Variants in BCL2L15 observed in about 807,000 individuals in gnomAD.
BCL2L15 encodes the protein bcl-2-like protein 15.
BCL2L15 carries 15 observed loss-of-function variants against 18.3 expected under a neutral mutation model. That is an observed-to-expected ratio of 0.82 (90% confidence interval 0.55 to 1.26). BCL2L15 has a LOEUF of 1.26. Among genes scored for constraint, BCL2L15 ranks in the 50% most tolerant of loss-of-function variants. The pLI is 0.00. For synonymous variants in BCL2L15, 58 were observed against 68.5 expected (o/e 0.85, Z 0.76); for missense variants, 180 against 201.7 (o/e 0.89, Z 0.65).
rs1666859271 is a variant in BCL2L15 at position 113,880,847 on chromosome 1, C to A, written c.*276G>T. 2 of 497,152 alleles carry A rather than the reference C, an allele frequency of 4.0e-6. No homozygotes were observed. The highest frequency in any genetic ancestry group is 2.4e-5 in the South Asian group (1 of 40,874). 30.8% of individuals were successfully genotyped at this position (497,152 alleles called of 1,614,324 possible). A position where few individuals can be genotyped will look rare whatever the true frequency, so the allele number is the denominator to read the frequency against. The stretch of plus-strand genomic sequence containing the variant: ...TTGTGTCTAGGGGTCTTTGCTTCAA[C>A]AGAACCTCATTAAAACTCATGTGAA... On this transcript the variant is annotated 3_prime_UTR_variant, in exon 4 of 4. Transcript: ENST00000393316.
At chr1:113,887,207 C>T in intron 1 of BCL2L15, 42 bp downstream of exon 1, 1 of 1,585,622 alleles carries the variant, frequency 6.3e-7, no homozygotes, top group Non-Finnish European at 8.7e-7. Context: ...TGAAAACATA[C>T]TCTTATTGAC....
rs1666783062 is a variant in BCL2L15, at chr1:113,878,541, G to A, written c.*2582C>T. 6.6e-6 allele frequency: 1 copy of A among 152,344 alleles called. No homozygotes were observed. The highest frequency in any genetic ancestry group is 2.1e-4 in the South Asian group (1 of 4,828). The allele number at this position is 152,344 out of a possible 1,614,324, so 9.4% of individuals were successfully genotyped here. ...TGGAACTGTTTTATGAGCAACATAG[G>A]ATAAAACTGGGAGCTGGAATTATTC... On this transcript the variant is annotated 3_prime_UTR_variant, in exon 4 of 4. Transcript: ENST00000393316.
Position 113,879,083 on chromosome 1 carries a change from T to C in BCL2L15, c.*2040A>G, listed in dbSNP as rs1666797258. On this transcript the variant is annotated 3_prime_UTR_variant, in exon 4 of 4. Transcript: ENST00000393316. ...CCAGGCTGGTCTCAAACTCCTAACCTCAGGTGATCCACCCGCCTTGGCCTC... is the reference window on the plus strand; with the variant it reads ...CCAGGCTGGTCTCAAACTCCTAACCCCAGGTGATCCACCCGCCTTGGCCTC... The C allele has an allele frequency of 1.3e-5, 2 of 152,150 alleles. No homozygotes were observed. The allele number at this position is 152,150 out of a possible 1,614,324, so 9.4% of individuals were successfully genotyped here.
intron 2 of BCL2L15, among the ~76,000 whole-genome samples, chr1:113,882,641 T>A (rs1398283846): frequency 2.6e-5 from 4 of 151,112 alleles, no homozygotes; most frequent in African/African-American, 4.9e-5. Context: ...CGAGACTCCA[T>A]CTCAAATAAA....
chr1:113,886,900 T>C (rs1416723951), intron 1 of BCL2L15, among the ~76,000 whole-genome samples: 1 of 142,798 alleles, frequency 7.0e-6, no homozygotes. Context: ...ATAAATAAAA[T>C]ATACTGTTTT....
intron 1 of BCL2L15, 34 bp from the exon 2 acceptor site, chr1:113,886,692 T>C (rs746058780): frequency 6.4e-7 from 1 of 1,558,080 alleles, no homozygotes; most frequent in Admixed American, 2.2e-5. Flanking sequence ...TTACAATGCT[T>C]GAAGCAATGG....
At chr1:113,886,731 A>G in intron 1 of BCL2L15, 73 bp from the exon 2 acceptor site, 1 of 1,450,740 alleles carries the variant, frequency 6.9e-7, no homozygotes, top group South Asian at 1.4e-5. Flanking sequence ...GCAATGAGAA[A>G]AATTTGTCTT....
Position 113,887,493 on chromosome 1 carries a change from T to C in BCL2L15, c.-118A>G, listed in dbSNP as rs922290801. On this transcript the variant is annotated 5_prime_UTR_variant, in exon 1 of 4. An upstream start codon of the reference 5' UTR is lost. Transcript: ENST00000393316. ...TTCTACCTCTTGTAGTTTCCTGACA[T>C]GTAATCCTGGAACTTTTCCCACTAG... The C allele has an allele frequency of 2.8e-6, 4 of 1,413,140 alleles. No individual in the cohort carries two copies. Among genetic ancestry groups the C allele is most frequent in the Non-Finnish European group, 9.7e-7 (1 of 1,029,342 alleles). 87.5% of individuals were successfully genotyped at this position (1,413,140 alleles called of 1,614,324 possible).
At chr1:113,883,087 C>T (rs187434238) in intron 2 of BCL2L15, among the ~76,000 whole-genome samples, 5 of 151,880 alleles carry the variant, frequency 3.3e-5, no homozygotes, top group African/African-American at 9.7e-5. Context: ...TTTAGGGGGG[C>T]CAAGGGTGGT....
rs149908888 is a variant in BCL2L15 at position 113,877,322 on chromosome 1, GT to G, written c.*3800del. Among the ~76,000 whole-genome samples, 33,145 of 142,748 alleles carry G rather than the reference GT, an allele frequency of 0.23. 4,455 individuals carry two copies. Among genetic ancestry groups the G allele is most frequent in the East Asian group, 0.62 (3,034 of 4,930 alleles). The allele number at this position is 142,748 out of a possible 152,430, so 93.6% of individuals were successfully genotyped here. A position where few individuals can be genotyped will look rare whatever the true frequency, so the allele number is the denominator to read the frequency against. ...GATGAACAGTAGGGAGCAGCTGAAG[GT>G]TTTTTTTTTTTTTTTAAAAAAAACA... On this transcript the variant is annotated 3_prime_UTR_variant, in exon 4 of 4. Coordinates refer to ENST00000393316, the MANE Select transcript of BCL2L15 (RefSeq NM_001010922.3).
At position 113,880,173 on chromosome 1, in the gene BCL2L15, G is replaced by GT. The variant is rs1666827936; in HGVS notation, c.*949dup. On this transcript the variant is annotated 3_prime_UTR_variant, in exon 4 of 4. Coordinates refer to ENST00000393316, the MANE Select transcript of BCL2L15 (RefSeq NM_001010922.3). ...TGCATCCTGTGGCAGTAAAAATGGA[G>GT]TAACTTTTATTTTCTTTGACCTTCC... The GT allele has an allele frequency of 6.6e-6, 1 of 152,318 alleles. No homozygotes were observed. The highest frequency in any genetic ancestry group is 1.9e-4 in the East Asian group (1 of 5,340). 9.4% of individuals were successfully genotyped at this position (152,318 alleles called of 1,614,324 possible).
intron 2 of BCL2L15, 136 bp downstream of exon 2, chr1:113,886,401 C>G (rs999094259): frequency 9.6e-7 from 1 of 1,044,126 alleles, no homozygotes; most frequent in African/African-American, 1.6e-5. Flanking sequence ...AGAATTCTTG[C>G]TATACTTCCT....
At position 113,882,044 on chromosome 1, in the gene BCL2L15, G is replaced by A. The variant is rs1427263516; in HGVS notation, c.250-47C>T. ...ATCAACAGAGTATCACTCAAAAAGT[G>A]CAGGAGGCTGCAGGTGCAGGAATCC... On this transcript the variant is annotated intron_variant, in intron 2 of 3. Transcript: ENST00000393316. The A allele has an allele frequency of 3.4e-6, 5 of 1,466,898 alleles. No homozygotes were observed. The South Asian group carries it at 4.8e-5, about 14-fold the overall frequency. The allele number at this position is 1,466,898 out of a possible 1,614,324, so 90.9% of individuals were successfully genotyped here.
intron 2 of BCL2L15, among the ~76,000 whole-genome samples, chr1:113,883,647 G>A (rs1332310784): frequency 6.6e-6 from 1 of 151,950 alleles, no homozygotes; most frequent in Non-Finnish European, 1.5e-5. Context: ...AGCCAGGCGT[G>A]GCAGTGTGTG....
Position 113,886,499 on chromosome 1 carries a change from A to G in BCL2L15, c.249+38T>C, listed in dbSNP as rs1407942023. 3 of 1,584,624 alleles carry G rather than the reference A, an allele frequency of 1.9e-6. No individual in the cohort carries two copies. The East Asian group carries it at 6.7e-5, about 35-fold the overall frequency. Reference sequence around the variant, plus strand: ...AAGAAAAGGAAGTTTGAAATAGAAAAAAAAGCAGCAAACAATAGCATGAAG... The same window carrying G: ...AAGAAAAGGAAGTTTGAAATAGAAAGAAAAGCAGCAAACAATAGCATGAAG... On this transcript the variant is annotated intron_variant, in intron 2 of 3. Transcript: ENST00000393316.
rs925347503 is a variant in BCL2L15, at chr1:113,878,552, G to C, written c.*2571C>G. The C allele has an allele frequency of 6.6e-6, 1 of 152,332 alleles. No homozygotes were observed. Among genetic ancestry groups the C allele is most frequent in the Admixed American group, 6.5e-5 (1 of 15,280 alleles). 9.4% of individuals were successfully genotyped at this position (152,332 alleles called of 1,614,324 possible). A position where few individuals can be genotyped will look rare whatever the true frequency, so the allele number is the denominator to read the frequency against. On this transcript the variant is annotated 3_prime_UTR_variant, in exon 4 of 4. Coordinates refer to ENST00000393316, the MANE Select transcript of BCL2L15 (RefSeq NM_001010922.3). ...TATGAGCAACATAGGATAAAACTGG[G>C]AGCTGGAATTATTCAATTTAGATTG...
At position 113,886,799 on chromosome 1, in the gene BCL2L15, C is replaced by T. The variant is rs1667050216; in HGVS notation, c.128-141G>A. On this transcript the variant is annotated intron_variant, in intron 1 of 3. Transcript: ENST00000393316. ...CAAGAGCTTAAATGTTCTGTCAACA[C>T]CAATAGTCAGAAAGTTTCCCTTCAT... is the stretch of plus-strand genomic sequence containing the variant. 6.6e-6 allele frequency: 5 copies of T among 752,356 alleles called. No homozygotes were observed. In the East Asian group the frequency reaches 1.1e-4, roughly 17 times the overall value. 46.6% of individuals were successfully genotyped at this position (752,356 alleles called of 1,614,324 possible).
intron 3 of BCL2L15, 78 bp from the exon 4 acceptor site, chr1:113,881,218 A>T (rs1666871107): frequency 6.2e-7 from 1 of 1,601,040 alleles, no homozygotes; most frequent in East Asian, 2.2e-5. Context: ...AATGATCTGC[A>T]GATAGCTCCA....
At chr1:113,881,683 T>C (rs1666881880) in intron 3 of BCL2L15, 90 bp downstream of exon 3, 1 of 1,460,210 alleles carries the variant, frequency 6.8e-7, no homozygotes, top group African/African-American at 1.4e-5. Flanking sequence ...TGGTTTCCAA[T>C]TTACAAAAAG....
Sources: gnomAD v4.1 joint callset for allele counts (sites outside exome capture counted in the v4.1 genomes callset) on GRCh38, gnomAD v4.1.1 for gene constraint, MANE v1.5 for transcripts, NCBI Gene and HGNC (gene_info 2026-07-23, HGNC 2026-07-21) for gene names.